The following CLASP2 variants were observed in gnomAD, a reference collection of about 807,000 sequenced individuals.
CLASP2 encodes the protein CLIP-associating protein 2.
A neutral mutation model predicts 194.4 loss-of-function variants in CLASP2; 47 were observed. That is an observed-to-expected ratio of 0.24 (90% CI 0.19 to 0.31). CLASP2 has a LOEUF of 0.31. Among genes scored for constraint, CLASP2 ranks in the 10% least tolerant of loss-of-function variants. CLASP2 has a pLI of 1.00. For missense variants in CLASP2, 1,445 were observed against 1,823.6 expected (o/e 0.79, Z 3.78); for synonymous variants, 619 against 633.5 (o/e 0.98, Z 0.34).
At chr3:33,633,716 T>C (rs1559469818) in intron 8 of CLASP2, among the ~76,000 whole-genome samples, 2 of 149,852 alleles carry the variant, frequency 1.3e-5, no homozygotes. Context: ...AACTTGGGGG[T>C]GGGGGGATGA....
At chr3:33,555,464 C>G (rs2060761068) in intron 29 of CLASP2, among the ~76,000 whole-genome samples, 1 of 151,464 alleles carries the variant, frequency 6.6e-6, no homozygotes, top group African/African-American at 2.4e-5. Context: ...CATCCCAACT[C>G]AAGTGACCCT....
At chr3:33,661,448 A>G (rs767204425) in intron 7 of CLASP2, among the ~76,000 whole-genome samples, 21 of 152,350 alleles carry the variant, frequency 1.4e-4, no homozygotes, top group Admixed American at 7.2e-4. Flanking sequence ...TAGAGAGGAT[A>G]TTAGCAGTGG....
intron 36 of CLASP2, among the ~76,000 whole-genome samples, chr3:33,514,893 G>C (rs1427505762): frequency 6.6e-6 from 1 of 151,840 alleles, no homozygotes; most frequent in Non-Finnish European, 1.5e-5. Context: ...CTCAGCCATA[G>C]AAAGGAATGA....
At chr3:33,668,173 C>T (rs1251532732) in intron 6 of CLASP2, among the ~76,000 whole-genome samples, 2 of 152,116 alleles carry the variant, frequency 1.3e-5, no homozygotes, top group African/African-American at 2.4e-5. Context: ...GAGCTGAGAT[C>T]GTGCCATTGC....
intron 1 of CLASP2, among the ~76,000 whole-genome samples, chr3:33,716,281 C>T (rs1331073749): frequency 2.6e-5 from 4 of 152,044 alleles, no homozygotes; most frequent in African/African-American, 7.2e-5. Context: ...GAAAAGAACC[C>T]GGATGAGACC....
At chr3:33,597,193 C>T (rs2070653771) in intron 18 of CLASP2, among the ~76,000 whole-genome samples, 1 of 152,158 alleles carries the variant, frequency 6.6e-6, no homozygotes, top group African/African-American at 2.4e-5. Flanking sequence ...TTTCTTAGAA[C>T]TTTCAGCCCC....
chr3:33,536,661 A>G (rs939479531), intron 33 of CLASP2, among the ~76,000 whole-genome samples: 2 of 152,180 alleles, frequency 1.3e-5, no homozygotes, highest in Non-Finnish European at 2.9e-5. Flanking sequence ...TGAGAGTGAG[A>G]GTGGACTATA....
intron 5 of CLASP2, among the ~76,000 whole-genome samples, chr3:33,686,208 C>T (rs1248381959): frequency 6.6e-6 from 1 of 152,008 alleles, no homozygotes; most frequent in Non-Finnish European, 1.5e-5. Flanking sequence ...CAAGCTGAGC[C>T]AAAAGGTTAC....
rs1471156931 is a variant in CLASP2, at chr3:33,628,621, G to T, written c.943-1541C>A. ...AGACCATTATTCCAATTTCAAACAG[G>T]ATAAGTTTGAGGTGTCTTTGAGACA... On this transcript the variant is annotated intron_variant, in intron 9 of 38. Coordinates refer to ENST00000682230, the MANE Select transcript of CLASP2 (RefSeq NM_001365631.1). 3.3e-5 allele frequency among the ~76,000 whole-genome samples: 5 copies of T among 152,108 alleles called. No homozygotes were observed. In the South Asian group the frequency reaches 1.0e-3, roughly 32 times the overall value.
intron 38 of CLASP2, 58 bp from the exon 39 acceptor site, chr3:33,498,775 C>T: frequency 9.0e-7 from 1 of 1,111,044 alleles, no homozygotes; most frequent in Non-Finnish European, 1.4e-6. Flanking sequence ...TTATAAGATA[C>T]TCATTAAAAT....
chr3:33,709,275 T>C (rs538152177), intron 1 of CLASP2, among the ~76,000 whole-genome samples: 11 of 152,346 alleles, frequency 7.2e-5, no homozygotes, highest in African/African-American at 2.2e-4. Context: ...GAGGTAATTA[T>C]TGTGTACGGT....
At chr3:33,622,065 A>AATG in intron 11 of CLASP2, 70 bp downstream of exon 11, 1 of 1,178,286 alleles carries the variant, frequency 8.5e-7, no homozygotes, top group Non-Finnish European at 1.1e-6. Flanking sequence ...TGCTTGACTT[A>AATG]ATGAGCAATG....
rs573583595 is a variant in CLASP2 at position 33,536,402 on chromosome 3, A to T, written c.3559-941T>A. Among the ~76,000 whole-genome samples the T allele has an allele frequency of 6.2e-4, 95 of 152,302 alleles. 1 individual carries two copies. Among genetic ancestry groups the T allele is most frequent in the African/African-American group, 2.2e-3 (91 of 41,574 alleles). ...AGCCACTTGAATAAACACTTGAAGG[A>T]AGTAAGGGAATCAGCCAAGGGGCTA... On this transcript the variant is annotated intron_variant, in intron 33 of 38. Coordinates refer to ENST00000682230, the MANE Select transcript of CLASP2 (RefSeq NM_001365631.1).
chr3:33,687,143 T>C lies in CLASP2; in HGVS notation c.471-8A>G, dbSNP rs746849854. 3 of 1,549,472 alleles carry C rather than the reference T, an allele frequency of 1.9e-6. No individual in the cohort carries two copies. Among genetic ancestry groups the C allele is most frequent in the East Asian group, 4.7e-5 (2 of 42,690 alleles). On this transcript the variant is annotated splice_polypyrimidine_tract_variant and splice_region_variant and intron_variant, in intron 4 of 38. Coordinates refer to ENST00000682230, the MANE Select transcript of CLASP2 (RefSeq NM_001365631.1). The stretch of plus-strand genomic sequence containing the variant: ...AGTGGCTGAGCCCCAAAACTAAATA[T>C]AATTTGAGAAAAAAATAAAGAAAAT...
chr3:33,503,349 G>C (rs1420551346), intron 37 of CLASP2: 1 of 151,740 alleles, frequency 6.6e-6, no homozygotes, highest in Non-Finnish European at 1.5e-5. Context: ...TTAAATATTT[G>C]CTTTGACTTC....
intron 1 of CLASP2, among the ~76,000 whole-genome samples, chr3:33,699,612 T>C (rs1443548529): frequency 6.6e-6 from 1 of 152,152 alleles, no homozygotes; most frequent in Non-Finnish European, 1.5e-5. Flanking sequence ...CCCCAGTGGA[T>C]ACCTGAAACC....
chr3:33,549,519 T>A (rs1244334674), intron 30 of CLASP2, among the ~76,000 whole-genome samples: 1 of 152,160 alleles, frequency 6.6e-6, no homozygotes, highest in East Asian at 1.9e-4. Flanking sequence ...GAGCTGTTTG[T>A]GGGTTTTCTA....
intron 7 of CLASP2, among the ~76,000 whole-genome samples, chr3:33,646,305 ACT>A (rs887230247): frequency 6.6e-6 from 1 of 151,976 alleles, no homozygotes; most frequent in African/African-American, 2.4e-5. Context: ...TCAAATAGAC[ACT>A]CTAAAGTCAC....
intron 1 of CLASP2, among the ~76,000 whole-genome samples, chr3:33,705,371 G>A (rs1307700802): frequency 2.0e-5 from 3 of 152,176 alleles, no homozygotes; most frequent in African/African-American, 7.2e-5. Flanking sequence ...TAGAATAGTG[G>A]TAGCTTAGGA....
Sources: gnomAD v4.1 joint callset for allele counts (sites outside exome capture counted in the v4.1 genomes callset) on GRCh38, gnomAD v4.1.1 for gene constraint, MANE v1.5 for transcripts, NCBI Gene and HGNC (gene_info 2026-07-23, HGNC 2026-07-21) for gene names.